FNDC7: variants seen among roughly 807,000 people sequenced by gnomAD.
FNDC7 encodes the protein fibronectin type III domain-containing protein 7.
Under a neutral mutation model 74.2 loss-of-function variants are expected in FNDC7, and 66 were observed. That is an observed-to-expected ratio of 0.89 (90% CI 0.73 to 1.09). The LOEUF (loss-of-function observed/expected upper bound fraction) is 1.09, where lower values mean the gene tolerates loss of function less well. Among genes scored for constraint, FNDC7 ranks in the 50% least tolerant of loss-of-function variants. FNDC7 has a pLI of 0.00. For missense variants in FNDC7, 829 were observed against 893.4 expected (o/e 0.93, Z 0.92); for synonymous variants, 307 against 330.2 (o/e 0.93, Z 0.76).
In FNDC7 at chr1:108,717,478, G is replaced by A. The variant is rs138259869; in HGVS notation, c.83-299G>A. Among the ~76,000 whole-genome samples, 423 of 152,260 alleles carry A rather than the reference G, an allele frequency of 2.8e-3. 1 individual carries two copies. The highest frequency in any genetic ancestry group is 9.7e-3 in the African/African-American group (405 of 41,540). ...CTCTCTCTTCCCAGAGTTCTTTCCC[G>A]TAATTACTTCTCATTCTTATTTAGC... On this transcript the variant is annotated intron_variant, in intron 2 of 12. Coordinates refer to ENST00000370017, the MANE Select transcript of FNDC7 (RefSeq NM_001144937.3).
chr1:108,712,914 T>C lies in FNDC7; in HGVS notation c.-20T>C, dbSNP rs1660900538. On this transcript the variant is annotated 5_prime_UTR_variant, in exon 1 of 13. It removes the in-frame stop codon of an upstream open reading frame in the 5' UTR. Coordinates refer to ENST00000370017, the MANE Select transcript of FNDC7 (RefSeq NM_001144937.3). ...CCGGATTGCTTTGTTTTGTGCCATGTGAGTACTATGTCCAACAGGATGGCT... is the reference window on the plus strand; with the variant it reads ...CCGGATTGCTTTGTTTTGTGCCATGCGAGTACTATGTCCAACAGGATGGCT... 3 of 1,550,454 alleles carry C rather than the reference T, an allele frequency of 1.9e-6. No individual in the cohort carries two copies. The highest frequency in any genetic ancestry group is 2.0e-5 in the Admixed American group (1 of 50,946).
Position 108,730,770 on chromosome 1 carries a change from C to T in FNDC7, c.1721C>T (p.Ala574Val). The T allele has an allele frequency of 2.5e-6, 4 of 1,613,862 alleles. No homozygotes were observed. In the South Asian group the frequency reaches 3.3e-5, roughly 13 times the overall value. ...TIGRVAQTHV[A>V]VLESHTGQSK... ...GGGAGAGTGGCTCAAACCCATGTTG[C>T]AGTTCTGGAGTCACACACTGGACAG... is the stretch of plus-strand genomic sequence containing the variant. Residue 574 changes from alanine to valine, a missense_variant, in exon 9 of 13, where the codon GCA becomes GTA. Physicochemically the swap from Ala to Val is moderately conservative, Grantham distance 64 (BLOSUM62 0). Coordinates refer to ENST00000370017, the MANE Select transcript of FNDC7 (RefSeq NM_001144937.3).
At chr1:108,739,581 A>G (rs1206987826) in intron 11 of FNDC7, among the ~76,000 whole-genome samples, 4 of 152,220 alleles carry the variant, frequency 2.6e-5, no homozygotes, top group African/African-American at 7.2e-5. Context: ...TGATTCGTGC[A>G]TGTATTCAAG....
At chr1:108,722,272 A>T in intron 4 of FNDC7, 63 bp from the exon 5 acceptor site, 5 of 1,438,310 alleles carry the variant, frequency 3.5e-6, no homozygotes, top group Admixed American at 2.7e-5. Flanking sequence ...CAACATTGTT[A>T]TGCCAACTCT....
At chr1:108,739,072 T>A (rs1661581655) in intron 11 of FNDC7, among the ~76,000 whole-genome samples, 1 of 151,828 alleles carries the variant, frequency 6.6e-6, no homozygotes, top group African/African-American at 2.4e-5. Context: ...TATATTGGCC[T>A]TGCCTATGAT....
intron 2 of FNDC7, among the ~76,000 whole-genome samples, chr1:108,717,158 G>A (rs557647755): frequency 6.6e-6 from 1 of 152,332 alleles, no homozygotes; most frequent in South Asian, 2.1e-4. Flanking sequence ...GGAAGAATCT[G>A]AGAATTATTC....
chr1:108,716,320 GGTGTGTGTGTGTGTGTGTGTGTGT>G (rs141850435), intron 2 of FNDC7, among the ~76,000 whole-genome samples: 3 of 95,770 alleles, frequency 3.1e-5, no homozygotes, highest in African/African-American at 1.1e-4. Context: ...GCAGAAGAGA[GGTGTGTGTGTGTGTGTGTGTGTGT>G]GTGTGTGTGT....
intron 11 of FNDC7, 116 bp from the exon 12 acceptor site, chr1:108,741,657 G>A: frequency 1.9e-6 from 2 of 1,079,486 alleles, no homozygotes; most frequent in Admixed American, 2.0e-5. Context: ...GTGAAGTGCT[G>A]CAAAAATAGC....
At position 108,737,396 on chromosome 1, in the gene FNDC7, T is replaced by C. The variant is rs1661538618; in HGVS notation, c.2141-99T>C. On this transcript the variant is annotated intron_variant, in intron 10 of 12. Transcript: ENST00000370017. ...CCCAAGTTCGTTCTTGTTCGTTTTTTGGTTTACTTTCCTTTTATTCTTTCT... is the reference window on the plus strand; with the variant it reads ...CCCAAGTTCGTTCTTGTTCGTTTTTCGGTTTACTTTCCTTTTATTCTTTCT... The C allele has an allele frequency of 3.6e-6, 4 of 1,103,822 alleles. No individual in the cohort carries two copies. The East Asian group carries it at 1.1e-4, about 30-fold the overall frequency. 68.4% of individuals were successfully genotyped at this position (1,103,822 alleles called of 1,614,324 possible). A position where few individuals can be genotyped will look rare whatever the true frequency, so the allele number is the denominator to read the frequency against.
intron 2 of FNDC7, among the ~76,000 whole-genome samples, chr1:108,716,932 G>C (rs1041712844): frequency 2.6e-5 from 4 of 152,124 alleles, no homozygotes; most frequent in Non-Finnish European, 4.4e-5. Flanking sequence ...CTATATCCAA[G>C]ACATTTTTGC....
intron 11 of FNDC7, among the ~76,000 whole-genome samples, chr1:108,739,585 A>G (rs1661590262): frequency 6.6e-6 from 1 of 152,188 alleles, no homozygotes; most frequent in Non-Finnish European, 1.5e-5. Flanking sequence ...TCGTGCATGT[A>G]TTCAAGTTTG....
rs1343481984 is a variant in FNDC7, at chr1:108,718,806, C to T, written c.355C>T (p.Leu119=). ...QAKTVLAAPI[L]EVSSPSSDSI... ...TTTTTTAGTGTTGGCTGCACCAATT[C>T]TAGAAGTAAGCTCTCCAAGTTCAGA... Residue 119 remains leucine, a synonymous_variant, in exon 4 of 13, where the codon CTA becomes TTA. Coordinates refer to ENST00000370017, the MANE Select transcript of FNDC7 (RefSeq NM_001144937.3). 2 of 1,551,718 alleles carry T rather than the reference C, an allele frequency of 1.3e-6. No homozygotes were observed. Among genetic ancestry groups the T allele is most frequent in the Non-Finnish European group, 1.7e-6 (2 of 1,146,968 alleles).
chr1:108,718,834 C>T lies in FNDC7; in HGVS notation c.383C>T (p.Ser128Phe), dbSNP rs1661031327. 2 of 1,551,804 alleles carry T rather than the reference C, an allele frequency of 1.3e-6. No individual in the cohort carries two copies. Among genetic ancestry groups the T allele is most frequent in the South Asian group, 2.4e-5 (2 of 84,064 alleles). Reference protein sequence around the residue: ...ILEVSSPSSDSILVQWEAVYM... With the variant: ...ILEVSSPSSDFILVQWEAVYM... ...GAAGTAAGCTCTCCAAGTTCAGACT[C>T]CATTCTTGTGCAGTGGGAAGCTGTA... The change falls in exon 4 of 13, where the codon TCC becomes TTC. Residue 128 changes from serine to phenylalanine, a missense_variant. Physicochemically the swap from Ser to Phe is radical, Grantham distance 155. Coordinates refer to ENST00000370017, the MANE Select transcript of FNDC7 (RefSeq NM_001144937.3).
intron 4 of FNDC7, among the ~76,000 whole-genome samples, chr1:108,719,420 T>G (rs1661045450): frequency 6.6e-6 from 1 of 152,246 alleles, no homozygotes; most frequent in Non-Finnish European, 1.5e-5. Flanking sequence ...AAATAGGAAT[T>G]CATTTGTTCA....
chr1:108,718,617 T>C (rs1236881343), intron 3 of FNDC7, among the ~76,000 whole-genome samples, 172 bp from the exon 4 acceptor site: 1 of 152,252 alleles, frequency 6.6e-6, no homozygotes, highest in East Asian at 1.9e-4. Context: ...TGCCAAGTCA[T>C]TTATGATTAG....
intron 4 of FNDC7, among the ~76,000 whole-genome samples, chr1:108,721,936 G>T (rs571114768): frequency 6.6e-6 from 1 of 152,064 alleles, no homozygotes; most frequent in Non-Finnish European, 1.5e-5. Context: ...TAATAATAAC[G>T]TACCCACGTG....
intron 11 of FNDC7, among the ~76,000 whole-genome samples, chr1:108,738,459 G>C (rs557529429): frequency 6.6e-6 from 1 of 152,256 alleles, no homozygotes; most frequent in East Asian, 1.9e-4. Flanking sequence ...CCTTTTAGGG[G>C]ACAGCTTGGT....
At chr1:108,716,146 C>T (rs1055424901) in intron 2 of FNDC7, among the ~76,000 whole-genome samples, 1 of 152,116 alleles carries the variant, frequency 6.6e-6, no homozygotes, top group African/African-American at 2.4e-5. Flanking sequence ...TGTCTGTGGC[C>T]AGTTTGGCTG....
intron 11 of FNDC7, among the ~76,000 whole-genome samples, chr1:108,740,287 T>G (rs1170104459): frequency 6.6e-6 from 1 of 151,570 alleles, no homozygotes. Context: ...GGGTTTTCTT[T>G]GACTCTTGGA....
Sources: allele counts gnomAD v4.1 joint callset (sites outside exome capture counted in the v4.1 genomes callset), GRCh38; gene constraint gnomAD v4.1.1; transcripts MANE v1.5; gene names NCBI Gene and HGNC (gene_info 2026-07-23, HGNC 2026-07-21).